The following BCO1 variants were observed in gnomAD, a reference collection of about 807,000 sequenced individuals.
BCO1 encodes the protein beta-carotene oxygenase 1, also known as beta,beta-carotene 15,15'-dioxygenase.
Under a neutral mutation model 56.3 loss-of-function variants are expected in BCO1, and 54 were observed. The ratio of observed to expected loss-of-function variants is 0.96; its 90% CI spans 0.77 to 1.20. The LOEUF (loss-of-function observed/expected upper bound fraction) is 1.20. Among genes scored for constraint, BCO1 ranks in the 50% most tolerant of loss-of-function variants. The pLI, the probability that BCO1 is intolerant of heterozygous loss-of-function variation, is 0.00. For missense variants in BCO1, 801 were observed against 690.9 expected (o/e 1.16, Z -1.79); for synonymous variants, 318 against 266.1 (o/e 1.20, Z -1.90).
intron 9 of BCO1, among the ~76,000 whole-genome samples, chr16:81,285,979 G>C (rs1326009763): frequency 6.6e-6 from 1 of 152,132 alleles, no homozygotes; most frequent in Non-Finnish European, 1.5e-5. Flanking sequence ...CTCTCCAGCA[G>C]AGAGGGTGTA....
At chr16:81,250,198 A>G (rs1170773824) in intron 2 of BCO1, among the ~76,000 whole-genome samples, 1 of 152,148 alleles carries the variant, frequency 6.6e-6, no homozygotes, top group East Asian at 1.9e-4. Flanking sequence ...ACTTACCCAG[A>G]AGCACACAGC....
chr16:81,252,097 T>A (rs1905842538), intron 2 of BCO1, among the ~76,000 whole-genome samples: 1 of 152,022 alleles, frequency 6.6e-6, no homozygotes, highest in African/African-American at 2.4e-5. Flanking sequence ...CTTGAGTAAT[T>A]CCAGACACCT....
chr16:81,280,269 CAAAAAAAAAAAAAAAAAAAAA>C (rs58607661), intron 7 of BCO1, among the ~76,000 whole-genome samples: 22 of 36,906 alleles, frequency 6.0e-4, no homozygotes, highest in Admixed American at 2.9e-3. Context: ...GACTCCATCT[CAAAAAAAAAAAAAAAAAAAAA>C]AAAAAAAAAA....
At chr16:81,270,511 A>T (rs1907129221) in intron 7 of BCO1, 95 bp downstream of exon 7, 2 of 1,533,632 alleles carry the variant, frequency 1.3e-6, no homozygotes, top group African/African-American at 1.4e-5. Flanking sequence ...ATTGAAATCC[A>T]AATGAACTGT....
chr16:81,268,741 A>C (rs1032120960), intron 6 of BCO1, among the ~76,000 whole-genome samples: 1 of 152,082 alleles, frequency 6.6e-6, no homozygotes, highest in African/African-American at 2.4e-5. Context: ...GGGTGTATGT[A>C]TGTATTACTA....
chr16:81,270,556 C>T, intron 7 of BCO1, 140 bp downstream of exon 7: 1 of 1,133,876 alleles, frequency 8.8e-7, no homozygotes, highest in Non-Finnish European at 1.2e-6. Context: ...TTGTTTTTCC[C>T]AAAGTAGTAC....
chr16:81,283,418 C>T (rs1907991069), intron 8 of BCO1, among the ~76,000 whole-genome samples: 1 of 151,794 alleles, frequency 6.6e-6, no homozygotes, highest in South Asian at 2.1e-4. Flanking sequence ...GGCAAAACCC[C>T]ATCTCTATTT....
intron 7 of BCO1, among the ~76,000 whole-genome samples, chr16:81,279,165 G>A (rs1174852356): frequency 6.6e-6 from 1 of 152,140 alleles, no homozygotes; most frequent in Non-Finnish European, 1.5e-5. Flanking sequence ...TAGTCCCCCA[G>A]CTACTCAGGA....
At position 81,238,997 on chromosome 16, in the gene BCO1, C is replaced by A. The variant is rs373479971; in HGVS notation, c.64+25C>A. Reference sequence around the variant, plus strand: ...GGTGAGCATTCTGATAAACACTGGGCTCTTTCTTCTATTTATTTTATTATT... The same window carrying A: ...GGTGAGCATTCTGATAAACACTGGGATCTTTCTTCTATTTATTTTATTATT... On this transcript the variant is annotated intron_variant, in intron 1 of 10. Coordinates refer to ENST00000258168, the MANE Select transcript of BCO1 (RefSeq NM_017429.3). 12 of 1,596,450 alleles carry A rather than the reference C, an allele frequency of 7.5e-6. No individual in the cohort carries two copies. The African/African-American group carries it at 1.2e-4, about 16-fold the overall frequency.
chr16:81,249,564 G>C (rs1325887267), intron 2 of BCO1, among the ~76,000 whole-genome samples: 1 of 151,680 alleles, frequency 6.6e-6, no homozygotes, highest in South Asian at 2.1e-4. Flanking sequence ...CCCCGGCTAG[G>C]TTTTTTTGTA....
chr16:81,290,684 T>C lies in BCO1; in HGVS notation c.*107T>C. ...TTTGTTACCTTTTGCACTTATTCTTTCTGTGGGTGCTTTGACAAGGGCATG... is the reference window on the plus strand; with the variant it reads ...TTTGTTACCTTTTGCACTTATTCTTCCTGTGGGTGCTTTGACAAGGGCATG... On this transcript the variant is annotated 3_prime_UTR_variant, in exon 11 of 11. Coordinates refer to ENST00000258168, the MANE Select transcript of BCO1 (RefSeq NM_017429.3). The C allele has an allele frequency of 1.2e-6, 1 of 848,218 alleles. No individual in the cohort carries two copies. The highest frequency in any genetic ancestry group is 2.4e-5 in the Admixed American group (1 of 42,000). 52.5% of individuals were successfully genotyped at this position (848,218 alleles called of 1,614,324 possible).
At chr16:81,252,388 T>C (rs1265233443) in intron 2 of BCO1, among the ~76,000 whole-genome samples, 1 of 152,068 alleles carries the variant, frequency 6.6e-6, no homozygotes, top group African/African-American at 2.4e-5. Flanking sequence ...CCCGAGTGGC[T>C]GGGATTACAG....
chr16:81,262,126 T>A lies in BCO1; in HGVS notation c.324-10T>A. On this transcript the variant is annotated splice_polypyrimidine_tract_variant and intron_variant, in intron 3 of 10. Coordinates refer to ENST00000258168, the MANE Select transcript of BCO1 (RefSeq NM_017429.3). ...AGCCACTGACTCTGTTGATTTGCTT[T>A]TCTCCCCAGAGCTTTCTCCTACTTG... 1.9e-6 allele frequency: 3 copies of A among 1,613,478 alleles called. No individual in the cohort carries two copies. In the South Asian group the frequency reaches 3.3e-5, roughly 18 times the overall value.
chr16:81,282,321 C>CAG (rs1345291779), intron 8 of BCO1, among the ~76,000 whole-genome samples: 1 of 152,146 alleles, frequency 6.6e-6, no homozygotes, highest in Non-Finnish European at 1.5e-5. Context: ...GAAGGCAGAG[C>CAG]AGAGAGCTGA....
intron 9 of BCO1, among the ~76,000 whole-genome samples, chr16:81,286,039 T>A (rs1430309736): frequency 7.2e-6 from 1 of 139,026 alleles, no homozygotes; most frequent in Non-Finnish European, 1.5e-5. Flanking sequence ...TTGTTTTGTT[T>A]TTTCCTTTTT....
Position 81,290,816 on chromosome 16 carries a change from CTTCT to C in BCO1, c.*240_*243del. 2.2e-6 allele frequency: 1 copy of C among 462,442 alleles called. No individual in the cohort carries two copies. Among genetic ancestry groups the C allele is most frequent in the Non-Finnish European group, 3.8e-6 (1 of 261,234 alleles). The allele number at this position is 462,442 out of a possible 1,614,324, so 28.6% of individuals were successfully genotyped here. ...AAATATGTATTGATTAGATCCAGTC[CTTCT>C]AAGAAACCTCCTTTCCTTTAACAAA... On this transcript the variant is annotated 3_prime_UTR_variant, in exon 11 of 11. Transcript: ENST00000258168.
chr16:81,284,465 C>A (rs1908060561), intron 8 of BCO1, among the ~76,000 whole-genome samples: 1 of 151,942 alleles, frequency 6.6e-6, no homozygotes, highest in Non-Finnish European at 1.5e-5. Flanking sequence ...TCATTTGTAA[C>A]CTAGCGGAGA....
intron 2 of BCO1, among the ~76,000 whole-genome samples, chr16:81,258,973 C>A (rs1906312984): frequency 6.6e-6 from 1 of 151,986 alleles, no homozygotes; most frequent in Non-Finnish European, 1.5e-5. Context: ...ATCTTTTAAA[C>A]AACCAGATGT....
intron 7 of BCO1, among the ~76,000 whole-genome samples, chr16:81,279,700 G>A (rs1220332257): frequency 6.6e-6 from 1 of 152,188 alleles, no homozygotes; most frequent in Non-Finnish European, 1.5e-5. Context: ...GGGAGTAGTA[G>A]ATGCTCAATA....
Sources: allele counts gnomAD v4.1 joint callset (sites outside exome capture counted in the v4.1 genomes callset), GRCh38; gene constraint gnomAD v4.1.1; transcripts MANE v1.5; gene names NCBI Gene and HGNC (gene_info 2026-07-23, HGNC 2026-07-21).